Variants in SEC63 observed in about 807,000 individuals in gnomAD.
SEC63 encodes the protein translocation protein SEC63 homolog.
Under a neutral mutation model 116.2 loss-of-function variants are expected in SEC63, and 56 were observed. That is an observed-to-expected ratio of 0.48 (90% CI 0.39 to 0.60). The LOEUF (loss-of-function observed/expected upper bound fraction) is 0.60. Among genes scored for constraint, SEC63 ranks in the 20% least tolerant of loss-of-function variants. The probability of loss-of-function intolerance (pLI) is 0.00; values close to 1 mark genes in which losing one functional copy is unlikely to be tolerated. For missense variants in SEC63, 668 were observed against 900.0 expected (o/e 0.74, Z 3.30); for synonymous variants, 273 against 294.6 (o/e 0.93, Z 0.75).
At chr6:107,918,064 G>A (rs914214043) in intron 4 of SEC63, among the ~76,000 whole-genome samples, 14 of 152,192 alleles carry the variant, frequency 9.2e-5, no homozygotes, top group Admixed American at 3.3e-4. Context: ...AGGGGCTAAC[G>A]TTGCTGGCGA....
intron 14 of SEC63, among the ~76,000 whole-genome samples, chr6:107,897,323 T>C (rs1245600162): frequency 6.6e-6 from 1 of 152,206 alleles, no homozygotes; most frequent in Non-Finnish European, 1.5e-5. Flanking sequence ...TCTATAGAAC[T>C]GACTAAAAAG....
rs1787152135 is a variant in SEC63 at position 107,906,535 on chromosome 6, G to A, written c.874C>T (p.Pro292Ser). 1 of 1,613,514 alleles carries A rather than the reference G, an allele frequency of 6.2e-7. No homozygotes were observed. The highest frequency in any genetic ancestry group is 8.5e-7 in the Non-Finnish European group (1 of 1,179,474). ...GSINLKKNEPPLTCPYSLKAR... is the reference protein window; with the variant it reads ...GSINLKKNEPSLTCPYSLKAR... ...TTCAGGCTATATGGGCAGGTAAGTGGAGGCTCATTCTTCTTTAAATTAATG... is the reference window on the plus strand; with the variant it reads ...TTCAGGCTATATGGGCAGGTAAGTGAAGGCTCATTCTTCTTTAAATTAATG... Residue 292 changes from proline (P) to serine (S), a missense_variant, in exon 10 of 21, where the codon CCA becomes TCA. Physicochemically the swap from Pro to Ser is moderately conservative, Grantham distance 74. This residue lies in a region of SEC63 where 430 missense variants were observed against 557.5 expected (regional missense o/e 0.77). Transcript: ENST00000369002.
At chr6:107,919,833 AG>A (rs1208072971) in intron 4 of SEC63, among the ~76,000 whole-genome samples, 3 of 152,006 alleles carry the variant, frequency 2.0e-5, no homozygotes, top group Non-Finnish European at 4.4e-5. Context: ...AAAAAAAAAA[AG>A]AAAAAGAAAA....
chr6:107,890,724 GT>G (rs1404991768), intron 16 of SEC63, among the ~76,000 whole-genome samples: 1 of 152,144 alleles, frequency 6.6e-6, no homozygotes, highest in African/African-American at 2.4e-5. Flanking sequence ...TCCTTTCCAT[GT>G]TTAGTGCTTC....
chr6:107,958,170 C>T lies in SEC63; in HGVS notation c.-161G>A. ...ACTCTCACGGACACGCCGCCGCCAC[C>T]TCTGCCGCTGCCGCCGCCGTCGCCA... On this transcript the variant is annotated 5_prime_UTR_variant, in exon 1 of 21. Transcript: ENST00000369002. 1.8e-6 allele frequency: 2 copies of T among 1,141,372 alleles called. No homozygotes were observed. Among genetic ancestry groups the T allele is most frequent in the Non-Finnish European group, 2.5e-6 (2 of 799,494 alleles). The allele number at this position is 1,141,372 out of a possible 1,614,324, so 70.7% of individuals were successfully genotyped here. A position where few individuals can be genotyped will look rare whatever the true frequency, so the allele number is the denominator to read the frequency against.
At chr6:107,901,268 G>A in intron 13 of SEC63, 102 bp downstream of exon 13, 4 of 1,144,980 alleles carry the variant, frequency 3.5e-6, no homozygotes, top group Non-Finnish European at 5.3e-6. Flanking sequence ...CTAATAACAA[G>A]TTATGTTATT....
intron 4 of SEC63, among the ~76,000 whole-genome samples, chr6:107,919,885 C>T (rs1787514046): frequency 1.3e-5 from 2 of 151,600 alleles, no homozygotes; most frequent in Admixed American, 1.3e-4. Flanking sequence ...AATAGCATCA[C>T]ATGCTAGAGA....
In SEC63 at chr6:107,893,849, C is replaced by T. The variant is rs535808802; in HGVS notation, c.1489G>A (p.Ala497Thr). ...ACCCAAGTTTTTACCCCATCTTCTG[C>T]TGGCTGTTCCTCTGCAGCACAGATG... is the stretch of plus-strand genomic sequence containing the variant. Reference protein sequence around the residue: ...QSICAAEEQPAEDGQGETNKN... With the variant: ...QSICAAEEQPTEDGQGETNKN... The change falls in exon 15 of 21, where the codon GCA (alanine) becomes ACA (threonine). Residue 497 changes from alanine to threonine, a missense_variant. Transcript: ENST00000369002. 164 of 1,614,028 alleles carry T rather than the reference C, an allele frequency of 1.0e-4. No homozygotes were observed. The highest frequency in any genetic ancestry group is 1.3e-4 in the Non-Finnish European group (153 of 1,180,012).
At chr6:107,875,411 G>C (rs749158121) in intron 19 of SEC63, among the ~76,000 whole-genome samples, 1 of 152,166 alleles carries the variant, frequency 6.6e-6, no homozygotes, top group Non-Finnish European at 1.5e-5. Context: ...TAAAAGATCA[G>C]AGAGGCCAGG....
chr6:107,913,187 T>C (rs1207144440), intron 5 of SEC63, among the ~76,000 whole-genome samples, 179 bp downstream of exon 5: 1 of 152,194 alleles, frequency 6.6e-6, no homozygotes, highest in Non-Finnish European at 1.5e-5. Context: ...AAATTATATC[T>C]TTCAAACTAG....
At chr6:107,920,839 G>C (rs966752035) in intron 4 of SEC63, among the ~76,000 whole-genome samples, 1 of 152,158 alleles carries the variant, frequency 6.6e-6, no homozygotes, top group African/African-American at 2.4e-5. Flanking sequence ...GTGCACAAAT[G>C]TTCCTCAAAC....
At position 107,887,612 on chromosome 6, in the gene SEC63, G is replaced by C. The variant is rs545750794; in HGVS notation, c.1675-4466C>G. Among the ~76,000 whole-genome samples the C allele has an allele frequency of 1.3e-3, 192 of 151,908 alleles. 2 individuals carry two copies. The highest frequency in any genetic ancestry group is 4.3e-3 in the African/African-American group (178 of 41,356). On this transcript the variant is annotated intron_variant, in intron 16 of 20. Transcript: ENST00000369002. Reference sequence around the variant, plus strand: ...GGGGACTGTTGTGGGGTGGGGGAAGGGGGGAGGGATAGCATTGGGAAATAT... The same window carrying C: ...GGGGACTGTTGTGGGGTGGGGGAAGCGGGGAGGGATAGCATTGGGAAATAT...
intron 6 of SEC63, among the ~76,000 whole-genome samples, chr6:107,911,911 G>A (rs1222419773): frequency 1.3e-5 from 2 of 152,132 alleles, no homozygotes; most frequent in East Asian, 3.9e-4. Context: ...ATGCTGACTA[G>A]CAATTTTTAC....
intron 16 of SEC63, among the ~76,000 whole-genome samples, chr6:107,891,918 CT>C (rs1263093083): frequency 2.0e-5 from 3 of 152,244 alleles, no homozygotes; most frequent in Admixed American, 2.0e-4. Flanking sequence ...CTGCCTGTTC[CT>C]TCCTCTGGAA....
chr6:107,945,823 G>A lies in SEC63; in HGVS notation c.124+12063C>T, dbSNP rs1322736231. 6.6e-5 allele frequency among the ~76,000 whole-genome samples: 10 copies of A among 152,068 alleles called. No homozygotes were observed. In the South Asian group the frequency reaches 2.1e-3, roughly 32 times the overall value. On this transcript the variant is annotated intron_variant, in intron 1 of 20. Transcript: ENST00000369002. ...ACAGGCATCTAAGAAAAGAAAATAA[G>A]CCTATCTTTATCAGGTCCTCCCAAG...
intron 10 of SEC63, 143 bp downstream of exon 10, chr6:107,906,305 T>C: frequency 1.0e-6 from 1 of 970,308 alleles, no homozygotes. Context: ...ATGAGCCAAT[T>C]AAACCTCTTT....
At chr6:107,903,453 G>C (rs1288502365) in intron 11 of SEC63, among the ~76,000 whole-genome samples, 1 of 152,006 alleles carries the variant, frequency 6.6e-6, no homozygotes, top group Non-Finnish European at 1.5e-5. Flanking sequence ...GTAATCCCAG[G>C]GCTTTGGGAA....
intron 18 of SEC63, among the ~76,000 whole-genome samples, chr6:107,878,061 A>G (rs1262377609): frequency 6.6e-6 from 1 of 152,212 alleles, no homozygotes; most frequent in Non-Finnish European, 1.5e-5. Flanking sequence ...TGTTGCGGCC[A>G]CTCAAATCTG....
intron 1 of SEC63, among the ~76,000 whole-genome samples, chr6:107,934,056 G>A (rs1172940465): frequency 2.0e-5 from 3 of 152,182 alleles, no homozygotes; most frequent in Admixed American, 6.5e-5. Flanking sequence ...GCAGTGGCGT[G>A]ATCTTGGCTC....
Sources: allele counts gnomAD v4.1 joint callset (sites outside exome capture counted in the v4.1 genomes callset), GRCh38; gene constraint gnomAD v4.1.1; regional missense constraint gnomAD v4.1.1; transcripts MANE v1.5; gene names NCBI Gene and HGNC (gene_info 2026-07-23, HGNC 2026-07-21).